SOX5: variants seen among roughly 807,000 people sequenced by gnomAD.
SOX5 encodes SRY-box transcription factor 5.
In SOX5, 9 loss-of-function variants were observed where a neutral mutation model predicts 92.0. The ratio of observed to expected loss-of-function variants is 0.10; its 90% CI spans 0.06 to 0.17. The LOEUF is 0.17. Among genes scored for constraint, SOX5 ranks in the 10% least tolerant of loss-of-function variants. SOX5 has a pLI of 1.00. For missense variants in SOX5, 642 were observed against 944.5 expected (o/e 0.68, Z 4.20); for synonymous variants, 344 against 336.3 (o/e 1.02, Z -0.25).
intron 9 of SOX5, among the ~76,000 whole-genome samples, chr12:23,589,967 T>G (rs1951295032): frequency 1.3e-5 from 2 of 151,950 alleles, no homozygotes; most frequent in Admixed American, 1.3e-4. Flanking sequence ...GTATTATAAG[T>G]GTGCTTTGAT....
intron 3 of SOX5, among the ~76,000 whole-genome samples, chr12:23,825,666 T>C (rs55848425): frequency 0.02 from 3,094 of 152,308 alleles, 57 homozygotes; most frequent in Non-Finnish European, 0.03. Context: ...GAAACAGCTA[T>C]AGGACAGAGA....
chr12:23,928,712 A>G (rs959330019), intron 1 of SOX5, among the ~76,000 whole-genome samples: 1 of 151,924 alleles, frequency 6.6e-6, no homozygotes, highest in African/African-American at 2.4e-5. Context: ...TAGGAAATAT[A>G]CCACTTTCAA....
intron 2 of SOX5, among the ~76,000 whole-genome samples, chr12:24,361,142 G>T (rs1955510993): frequency 6.6e-6 from 1 of 152,060 alleles, no homozygotes; most frequent in South Asian, 2.1e-4. Flanking sequence ...GTTTTGACTG[G>T]CTCTCTCAAA....
At chr12:23,906,710 T>C (rs1438410712) in intron 1 of SOX5, among the ~76,000 whole-genome samples, 1 of 152,210 alleles carries the variant, frequency 6.6e-6, no homozygotes, top group Admixed American at 6.5e-5. Flanking sequence ...GTAAAAATCT[T>C]TTATTAATAA....
At chr12:23,843,810 T>A (rs1022716452) in intron 3 of SOX5, among the ~76,000 whole-genome samples, 1 of 152,058 alleles carries the variant, frequency 6.6e-6, no homozygotes, top group Non-Finnish European at 1.5e-5. Flanking sequence ...GTGATCCACC[T>A]GCCACGGCCT....
intron 6 of SOX5, among the ~76,000 whole-genome samples, chr12:23,674,481 G>A (rs999088702): frequency 6.6e-6 from 1 of 151,462 alleles, no homozygotes; most frequent in Non-Finnish European, 1.5e-5. Context: ...GGGATCACAG[G>A]CACACACCAC....
At chr12:24,158,917 G>T (rs982171910) in intron 4 of SOX5, among the ~76,000 whole-genome samples, 3 of 151,842 alleles carry the variant, frequency 2.0e-5, no homozygotes, top group Non-Finnish European at 2.9e-5. Context: ...ATGAATCAAT[G>T]AAGTTGGTTT....
rs192855939 is a variant in SOX5 at position 23,734,153 on chromosome 12, T to A, written c.810+531A>T. Among the ~76,000 whole-genome samples the A allele has an allele frequency of 1.2e-4, 18 of 152,294 alleles. No homozygotes were observed. In the East Asian group the frequency reaches 2.9e-3, roughly 24 times the overall value. ...TATTGATGCTCCTTATTATTGCAAA[T>A]TTCCAAATAACAAAAATATGGAGGT... is the stretch of plus-strand genomic sequence containing the variant. On this transcript the variant is annotated intron_variant, in intron 6 of 14. Coordinates refer to ENST00000451604, the MANE Select transcript of SOX5 (RefSeq NM_006940.6).
chr12:23,642,819 G>A (rs1295871317), intron 7 of SOX5, among the ~76,000 whole-genome samples: 1 of 147,242 alleles, frequency 6.8e-6, no homozygotes, highest in Non-Finnish European at 1.5e-5. Flanking sequence ...CGGGCGCGGT[G>A]GCTCACGCCT....
chr12:23,833,111 T>C (rs2096356826), intron 3 of SOX5, among the ~76,000 whole-genome samples: 1 of 152,176 alleles, frequency 6.6e-6, no homozygotes, highest in Admixed American at 6.6e-5. Context: ...TTTCATCATT[T>C]TGCAAACAAT....
At chr12:23,906,933 T>C (rs1161861228) in intron 1 of SOX5, among the ~76,000 whole-genome samples, 1 of 142,114 alleles carries the variant, frequency 7.0e-6, no homozygotes, top group African/African-American at 2.6e-5. Context: ...GACAGCCGAA[T>C]AGACAGCCAA....
At chr12:23,736,997 ATT>A (rs552925849) in intron 5 of SOX5, among the ~76,000 whole-genome samples, 27 of 147,506 alleles carry the variant, frequency 1.8e-4, no homozygotes, top group African/African-American at 6.4e-4. Context: ...CCGACCTACG[ATT>A]TTTTTTTTTT....
At chr12:24,232,851 C>G (rs890816466) in intron 3 of SOX5, among the ~76,000 whole-genome samples, 2 of 152,132 alleles carry the variant, frequency 1.3e-5, no homozygotes, top group Non-Finnish European at 2.9e-5. Flanking sequence ...ATCCATATTT[C>G]CGACACTTAA....
intron 4 of SOX5, among the ~76,000 whole-genome samples, chr12:23,970,050 A>G (rs1948047532): frequency 1.3e-5 from 2 of 152,212 alleles, no homozygotes; most frequent in African/African-American, 4.8e-5. Flanking sequence ...GTCAGCGTGC[A>G]CAAGTACACC....
chr12:24,108,437 A>C (rs539793569), intron 4 of SOX5, among the ~76,000 whole-genome samples: 2 of 152,158 alleles, frequency 1.3e-5, no homozygotes, highest in Non-Finnish European at 2.9e-5. Context: ...GACTTACAGA[A>C]CTTCTCTTTT....
In SOX5 at chr12:23,567,495, G is replaced by T. The variant is rs527245970; in HGVS notation, c.1343-4092C>A. Among the ~76,000 whole-genome samples the T allele has an allele frequency of 5.2e-4, 68 of 131,000 alleles. 2 individuals carry two copies. The highest frequency in any genetic ancestry group is 2.4e-3 in the Admixed American group (29 of 12,268). 85.9% of individuals were successfully genotyped at this position (131,000 alleles called of 152,430 possible). ...TTTTTTTTTTTTTTTTTGAAACAAG[G>T]TCTCACCCAGGCTGGAGTGCAGTGG... On this transcript the variant is annotated intron_variant, in intron 10 of 14. Coordinates refer to ENST00000451604, the MANE Select transcript of SOX5 (RefSeq NM_006940.6).
chr12:23,776,907 T>G (rs1238191308), intron 3 of SOX5, among the ~76,000 whole-genome samples: 1 of 152,230 alleles, frequency 6.6e-6, no homozygotes, highest in African/African-American at 2.4e-5. Flanking sequence ...TGGGGACCCC[T>G]GATCTAAAGC....
intron 3 of SOX5, among the ~76,000 whole-genome samples, chr12:23,792,659 A>AAAAAAAAAAAAAAAC (rs2095496767): frequency 7.5e-6 from 1 of 132,556 alleles, no homozygotes; most frequent in African/African-American, 2.7e-5. Context: ...AAAAAAAAAA[A>AAAAAAAAAAAAAAAC]AAACTTGGAC....
At chr12:23,663,353 A>T (rs2083326781) in intron 7 of SOX5, among the ~76,000 whole-genome samples, 1 of 152,166 alleles carries the variant, frequency 6.6e-6, no homozygotes, top group African/African-American at 2.4e-5. Context: ...TTGGAAATGG[A>T]AAAAATTCTC....
Sources: allele counts gnomAD v4.1 joint callset (sites outside exome capture counted in the v4.1 genomes callset), GRCh38; gene constraint gnomAD v4.1.1; transcripts MANE v1.5; gene names NCBI Gene and HGNC (gene_info 2026-07-23, HGNC 2026-07-21).